Variants in DMD observed in about 807,000 individuals in gnomAD.
DMD encodes the protein dystrophin, also known as mutant dystrophin.
Under a neutral mutation model 330.1 loss-of-function variants are expected in DMD, and 63 were observed. That is an observed-to-expected ratio of 0.19 (90% CI 0.16 to 0.24). The LOEUF is 0.24. Among genes scored for constraint, DMD ranks in the 10% least tolerant of loss-of-function variants. The pLI is 1.00. For missense variants in DMD, 3,344 were observed against 2,684.1 expected (o/e 1.25, Z -5.43); for synonymous variants, 1,223 against 959.8 (o/e 1.27, Z -5.07).
intron 60 of DMD, among the ~76,000 whole-genome samples, chrX:31,378,535 G>A (rs769439555): frequency 9.0e-6 from 1 of 110,739 alleles, no homozygotes; most frequent in African/African-American, 3.3e-5. Flanking sequence ...TTAATCACGC[G>A]GGGATGCCTG....
chrX:31,259,506 G>A (rs1164202972), intron 63 of DMD, among the ~76,000 whole-genome samples: 2 of 111,909 alleles, frequency 1.8e-5, no homozygotes, highest in Non-Finnish European at 3.8e-5. Flanking sequence ...GGCTGGAAAT[G>A]TAGCACTTGA....
chrX:31,403,039 A>G (rs1369284584), intron 60 of DMD, among the ~76,000 whole-genome samples: 1 of 112,132 alleles, frequency 8.9e-6, no homozygotes, highest in Non-Finnish European at 1.9e-5. Context: ...TGGAAAAGAA[A>G]ACTAATGCTA....
chrX:31,732,984 T>C (rs2086620329), intron 51 of DMD, among the ~76,000 whole-genome samples: 1 of 111,458 alleles, frequency 9.0e-6, no homozygotes, highest in African/African-American at 3.3e-5. Context: ...ATGGATTCTA[T>C]CATTCTAGAG....
At chrX:31,641,642 T>G (rs1325467187) in intron 54 of DMD, among the ~76,000 whole-genome samples, 1 of 111,343 alleles carries the variant, frequency 9.0e-6, no homozygotes, top group Non-Finnish European at 1.9e-5. Flanking sequence ...CAAACATCCC[T>G]ATTCACCCAA....
intron 54 of DMD, among the ~76,000 whole-genome samples, chrX:31,649,880 C>T (rs960242303): frequency 2.7e-5 from 3 of 110,981 alleles, no homozygotes; most frequent in Non-Finnish European, 5.7e-5. Context: ...GTACATTTCG[C>T]ATAAGAGGAA....
At chrX:31,970,002 G>A (rs1339137229) in intron 44 of DMD, among the ~76,000 whole-genome samples, 2 of 111,708 alleles carry the variant, frequency 1.8e-5, no homozygotes, top group African/African-American at 6.5e-5. Flanking sequence ...TAGTAATAGA[G>A]ACACCAGTCA....
intron 16 of DMD, among the ~76,000 whole-genome samples, chrX:32,554,923 AAGAAAGAAAGAAAGAAAGAGAG>A (rs2050098503): frequency 1.0e-4 from 3 of 29,875 alleles, no homozygotes; most frequent in African/African-American, 4.4e-4. Context: ...GAAAGAAAGA[AAGAAAGAAAGAAAGAAAGAGAG>A]AGAGAGGGAG....
intron 1 of DMD, among the ~76,000 whole-genome samples, chrX:33,174,566 A>G (rs749648520): frequency 1.8e-5 from 2 of 111,503 alleles, no homozygotes; most frequent in East Asian, 5.6e-4. Context: ...CAGATGAACA[A>G]TCCAGATATA....
intron 44 of DMD, among the ~76,000 whole-genome samples, chrX:32,049,023 A>C (rs1233712821): frequency 1.8e-5 from 2 of 111,234 alleles, no homozygotes; most frequent in Non-Finnish European, 3.8e-5. Flanking sequence ...TGAGAACGAG[A>C]AGAAACAAAC....
intron 2 of DMD, among the ~76,000 whole-genome samples, chrX:32,892,366 G>T (rs190029784): frequency 1.4e-4 from 15 of 110,508 alleles, no homozygotes; most frequent in Non-Finnish European, 2.9e-4. Context: ...TGCCCCCCAC[G>T]CCATGTTGTT....
In DMD at chrX:31,729,713, C is replaced by T. The variant is rs142236825; in HGVS notation, c.7578G>A (p.Gln2526=). 31 of 1,209,681 alleles carry T rather than the reference C, an allele frequency of 2.6e-5. No homozygotes were observed. In the African/African-American group the frequency reaches 5.4e-4, roughly 21 times the overall value. ...GGGCAGCGGTAATGAGTTCTTCCAA[C>T]TGGGGACGCCTCTGTTCCAAATCCT... ...TMQDLEQRRP[Q]LEELITAAQN... Residue 2526 remains glutamine, a synonymous_variant, in exon 52 of 79, where the codon CAG becomes CAA. Transcript: ENST00000357033.
chrX:32,698,793 G>A (rs940199090), intron 8 of DMD, among the ~76,000 whole-genome samples: 1 of 111,155 alleles, frequency 9.0e-6, no homozygotes, highest in Admixed American at 9.6e-5. Flanking sequence ...GAAGATTTTA[G>A]AGTTTAATAT....
At chrX:33,129,742 T>C (rs1461680656) in intron 1 of DMD, among the ~76,000 whole-genome samples, 1 of 110,965 alleles carries the variant, frequency 9.0e-6, no homozygotes, top group Non-Finnish European at 1.9e-5. Flanking sequence ...CAAAGAGTAC[T>C]GCATCCAAAT....
intron 9 of DMD, among the ~76,000 whole-genome samples, chrX:32,687,109 T>C (rs1210368490): frequency 8.9e-6 from 1 of 112,257 alleles, no homozygotes; most frequent in African/African-American, 3.2e-5. Context: ...TAAGTGGCCA[T>C]TTCGGCTCCT....
At chrX:31,734,380 A>C (rs1405923301) in intron 51 of DMD, among the ~76,000 whole-genome samples, 2 of 111,199 alleles carry the variant, frequency 1.8e-5, no homozygotes, top group Non-Finnish European at 3.8e-5. Context: ...TTAGTACCAT[A>C]ATCTTATCCA....
intron 1 of DMD, among the ~76,000 whole-genome samples, chrX:33,218,905 CT>C (rs1269852123): frequency 4.5e-5 from 5 of 111,217 alleles, no homozygotes; most frequent in Non-Finnish European, 3.8e-5. Context: ...ATTTATTGAA[CT>C]TTTTTTTGAT....
intron 62 of DMD, chrX:31,261,623 G>A (rs35710613): frequency 1.5e-3 from 173 of 116,963 alleles, no homozygotes; most frequent in Middle Eastern, 9.1e-3. Flanking sequence ...TTCTTTAAAC[G>A]CAGTACGCTA....
chrX:33,090,176 C>A (rs910272280), intron 1 of DMD, among the ~76,000 whole-genome samples: 1 of 109,852 alleles, frequency 9.1e-6, no homozygotes, highest in South Asian at 3.9e-4. Flanking sequence ...TTGTTTGCTT[C>A]GACTGGCCAT....
chrX:32,852,000 G>C (rs1229430890), intron 2 of DMD, among the ~76,000 whole-genome samples: 1 of 111,285 alleles, frequency 9.0e-6, no homozygotes, highest in African/African-American at 3.3e-5. Flanking sequence ...CAATTCCTGG[G>C]CAAGTCTTGG....
Sources: gnomAD v4.1 joint callset for allele counts (sites outside exome capture counted in the v4.1 genomes callset) on GRCh38, gnomAD v4.1.1 for gene constraint, MANE v1.5 for transcripts, NCBI Gene and HGNC (gene_info 2026-07-23, HGNC 2026-07-21) for gene names.